The following SSH3 variants were observed in gnomAD, a reference collection of about 807,000 sequenced individuals.
SSH3 encodes the protein slingshot protein phosphatase 3.
Under a neutral mutation model 75.0 loss-of-function variants are expected in SSH3, and 67 were observed. The observed-to-expected ratio is 0.89, with a 90% CI of 0.73 to 1.10. SSH3 has a LOEUF of 1.10. Ranked by LOEUF, SSH3 falls within the 50% of genes least tolerant of loss-of-function variation. The pLI, the probability that SSH3 is intolerant of heterozygous loss-of-function variation, is 0.00. For missense variants in SSH3, 824 were observed against 872.7 expected (o/e 0.94, Z 0.70); for synonymous variants, 318 against 349.2 (o/e 0.91, Z 1.00).
Position 67,310,141 on chromosome 11 carries a change from A to G in SSH3, c.1485A>G (p.Thr495=), listed in dbSNP as rs138386191. Residue 495 remains threonine, a synonymous_variant, in exon 13 of 14, where the codon ACA becomes ACG. Transcript: ENST00000308127. ...PEEHPAPEVS[T]PFPPLPPEPE... is the part of the protein sequence containing the mutation. The stretch of plus-strand genomic sequence containing the variant: ...AGCACCCAGCCCCTGAAGTCTCTAC[A>G]CCATTCCCACCTCTTCCGCCAGAAC... 1 of 1,614,058 alleles carries G rather than the reference A, an allele frequency of 6.2e-7. No homozygotes were observed. Among genetic ancestry groups the G allele is most frequent in the African/African-American group, 1.3e-5 (1 of 74,948 alleles).
intron 10 of SSH3, chr11:67,309,081 A>G: frequency 2.9e-6 from 1 of 340,238 alleles, no homozygotes; most frequent in Non-Finnish European, 5.5e-6. Context: ...CCTGCCACCC[A>G]CTGCTGCAGA....
chr11:67,309,383 GC>G lies in SSH3; in HGVS notation c.1062-11del. 1 of 1,614,096 alleles carries G rather than the reference GC, an allele frequency of 6.2e-7. No homozygotes were observed. The highest frequency in any genetic ancestry group is 8.5e-7 in the Non-Finnish European group (1 of 1,180,018). ...TCTGCCCACATCAGCCTGGCCTTGGGCCCTCTGGGACAGGGTCACCCACATC... is the reference window on the plus strand; with the variant it reads ...TCTGCCCACATCAGCCTGGCCTTGGGCCTCTGGGACAGGGTCACCCACATC... On this transcript the variant is annotated splice_polypyrimidine_tract_variant and intron_variant, in intron 10 of 13. Transcript: ENST00000308127.
intron 10 of SSH3, 145 bp from the exon 11 acceptor site, chr11:67,309,252 G>A: frequency 1.0e-6 from 1 of 998,080 alleles, no homozygotes; most frequent in South Asian, 1.6e-5. Context: ...GTGACAGCTG[G>A]GTCACTTCTC....
rs765362560 is a variant in SSH3, at chr11:67,311,581, ACCTGT to A, written c.1684-7_1684-3del. 1 of 1,613,534 alleles carries A rather than the reference ACCTGT, an allele frequency of 6.2e-7. No homozygotes were observed. Among genetic ancestry groups the A allele is most frequent in the Non-Finnish European group, 8.5e-7 (1 of 1,179,884 alleles). On this transcript the variant is annotated splice_polypyrimidine_tract_variant and splice_region_variant and intron_variant, in intron 13 of 13. Coordinates refer to ENST00000308127, the MANE Select transcript of SSH3 (RefSeq NM_017857.4). The stretch of plus-strand genomic sequence containing the variant: ...CCTCCCATGGCTTCCGTATCCTCAC[ACCTGT>A]CCAGGTCTTCTCTTCCCACGAGTCT...
In SSH3 at chr11:67,307,431, C is replaced by G; in HGVS notation, c.597C>G (p.Thr199=). The change falls in exon 6 of 14, where the codon ACC becomes ACG. Residue 199 remains threonine (T), a synonymous_variant. Coordinates refer to ENST00000308127, the MANE Select transcript of SSH3 (RefSeq NM_017857.4). The surrounding 1 kb of genome is among the most constrained non-coding windows in gnomAD (Gnocchi z 4.2). The stretch of plus-strand genomic sequence containing the variant: ...TCTTCAAGCCCATCTCCATCCAGAC[C>G]ATGTGGTAAGGACAGAGACTGCCTG... ...SRIFKPISIQ[T]MWATLQVLHQ... 1 of 1,613,992 alleles carries G rather than the reference C, an allele frequency of 6.2e-7. No individual in the cohort carries two copies. The highest frequency in any genetic ancestry group is 8.5e-7 in the Non-Finnish European group (1 of 1,180,002).
Position 67,307,816 on chromosome 11 carries a change from G to GGCC in SSH3, c.792-29_792-27dup. 6.2e-7 allele frequency: 1 copy of GGCC among 1,613,978 alleles called. No individual in the cohort carries two copies. Among genetic ancestry groups the GGCC allele is most frequent in the Admixed American group, 1.7e-5 (1 of 60,032 alleles). ...GGGGGGCATGGTGGAGAGGGGAAAG[G>GGCC]GCCCCTTGACTGAGGGGCTCTGCTC... On this transcript the variant is annotated intron_variant, in intron 7 of 13. Transcript: ENST00000308127. The surrounding 1 kb of genome is among the most constrained non-coding windows in gnomAD (Gnocchi z 4.2).
Position 67,311,741 on chromosome 11 carries a change from G to A in SSH3, c.1834G>A (p.Val612Met), listed in dbSNP as rs762218834. Residue 612 changes from valine to methionine, a missense_variant, in exon 14 of 14, where the codon GTG becomes ATG. Transcript: ENST00000308127. The stretch of plus-strand genomic sequence containing the variant: ...GGTTACCCTCCAGGGCAGTGCCGTG[G>A]TGGCCAACCGGACCCAGGCCTTCCA... ...SVVTLQGSAV[V>M]ANRTQAFQEQ... The A allele has an allele frequency of 1.2e-5, 20 of 1,613,904 alleles. No individual in the cohort carries two copies. Among genetic ancestry groups the A allele is most frequent in the Non-Finnish European group, 1.7e-5 (20 of 1,180,006 alleles).
At position 67,309,444 on chromosome 11, in the gene SSH3, C is replaced by T; in HGVS notation, c.1109C>T (p.Pro370Leu). 2 of 1,614,206 alleles carry T rather than the reference C, an allele frequency of 1.2e-6. No individual in the cohort carries two copies. The highest frequency in any genetic ancestry group is 1.7e-6 in the Non-Finnish European group (2 of 1,180,044). ...NMAREIDNFYPERFTYHNVRL... is the reference protein window; with the variant it reads ...NMAREIDNFYLERFTYHNVRL... ...GCCCGGGAGATTGACAACTTCTACC[C>T]TGAGCGCTTCACCTACCACAATGTG... The change falls in exon 11 of 14, where the codon CCT (proline) becomes CTT (leucine). Residue 370 changes from proline (P) to leucine (L), a missense_variant. By Grantham distance (98) the Pro-to-Leu change is moderately conservative (BLOSUM62 -3). Transcript: ENST00000308127.
At chr11:67,309,078 C>A (rs1861337348) in intron 10 of SSH3, among the ~76,000 whole-genome samples, 1 of 152,226 alleles carries the variant, frequency 6.6e-6, no homozygotes, top group Non-Finnish European at 1.5e-5. Flanking sequence ...GCCCCTGCCA[C>A]CCACTGCTGC....
rs1429437895 is a variant in SSH3 at position 67,312,034 on chromosome 11, GGCCTCACCTCCCACCCCTGTCACTACA to G, written c.*159_*185del. The G allele has an allele frequency of 7.0e-4, 737 of 1,051,770 alleles. 2 individuals are homozygous for G. Among genetic ancestry groups the G allele is most frequent in the Admixed American group, 1.2e-3 (26 of 21,780 alleles). 65.2% of individuals were successfully genotyped at this position (1,051,770 alleles called of 1,614,324 possible). A position where few individuals can be genotyped will look rare whatever the true frequency, so the allele number is the denominator to read the frequency against. ...CCTCACCTCCCACCCCTGTCACTAC[GGCCTCACCTCCCACCCCTGTCACTACA>G]GCCTCACCTCCTACAGCCTTAAGTC... is the stretch of plus-strand genomic sequence containing the variant. On this transcript the variant is annotated 3_prime_UTR_variant, in exon 14 of 14. Coordinates refer to ENST00000308127, the MANE Select transcript of SSH3 (RefSeq NM_017857.4).
chr11:67,305,089 TTGGGGAGCAA>T, intron 3 of SSH3, 82 bp downstream of exon 3: 3 of 1,389,650 alleles, frequency 2.2e-6, no homozygotes, highest in Non-Finnish European at 3.0e-6. Flanking sequence ...ATGTGTCTGC[TTGGGGAGCAA>T]TGGTGTGAGG....
chr11:67,303,552 G>A lies in SSH3; in HGVS notation c.-74G>A. On this transcript the variant is annotated 5_prime_UTR_variant, in exon 1 of 14. Coordinates refer to ENST00000308127, the MANE Select transcript of SSH3 (RefSeq NM_017857.4). ...GCCGTCCGTCCTTCCTGGTCCTGCG[G>A]GTCCAGGACTGTCCGCGGGGTTGAG... 4 of 1,437,204 alleles carry A rather than the reference G, an allele frequency of 2.8e-6. No individual in the cohort carries two copies. The highest frequency in any genetic ancestry group is 3.7e-6 in the Non-Finnish European group (4 of 1,075,610). 89.0% of individuals were successfully genotyped at this position (1,437,204 alleles called of 1,614,324 possible). A position where few individuals can be genotyped will look rare whatever the true frequency, so the allele number is the denominator to read the frequency against.
rs1861131537 is a variant in SSH3, at chr11:67,303,696, G to GT, written c.66+6dup. 6.7e-7 allele frequency: 1 copy of GT among 1,492,758 alleles called. No individual in the cohort carries two copies. The highest frequency in any genetic ancestry group is 2.8e-5 in the East Asian group (1 of 35,710). The allele number at this position is 1,492,758 out of a possible 1,614,324, so 92.5% of individuals were successfully genotyped here. ...TCCACGCCCGTGGGGCCCTGGGTGA[G>GT]TGTGGTCCGGCCGTGGTGCCGCCCA... is the stretch of plus-strand genomic sequence containing the variant. On this transcript the variant is annotated splice_donor_region_variant and intron_variant, in intron 1 of 13. Transcript: ENST00000308127.
In SSH3 at chr11:67,309,975, G is replaced by A; in HGVS notation, c.1409+7G>A. On this transcript the variant is annotated splice_region_variant and intron_variant, in intron 12 of 13. Coordinates refer to ENST00000308127, the MANE Select transcript of SSH3 (RefSeq NM_017857.4). ...AGGGCATCCTGACGGCCAGGTATGG[G>A]ATGGGAGCGAGTGGCAGGGGGTGAG... 6.2e-7 allele frequency: 1 copy of A among 1,610,390 alleles called. No homozygotes were observed. Among genetic ancestry groups the A allele is most frequent in the Non-Finnish European group, 8.5e-7 (1 of 1,179,924 alleles).
Position 67,308,445 on chromosome 11 carries a change from C to G in SSH3, c.1048C>G (p.Leu350Val). Residue 350 changes from leucine (L) to valine (V), a missense_variant, in exon 10 of 14, where the codon CTG (leucine) becomes GTG (valine). By Grantham distance (32) the Leu-to-Val change is conservative. Coordinates refer to ENST00000308127, the MANE Select transcript of SSH3 (RefSeq NM_017857.4). The surrounding 1 kb of genome is among the most constrained non-coding windows in gnomAD (Gnocchi z 4.9). The part of the protein sequence containing the change: ...SEWNAANLEE[L>V]QRNRVTHILN... ...GTGGAACGCAGCAAACCTGGAGGAG[C>G]TGCAGAGGAACAGGTAGGGCTATGA... The G allele has an allele frequency of 6.3e-7, 1 of 1,599,756 alleles. No individual in the cohort carries two copies. The highest frequency in any genetic ancestry group is 1.1e-5 in the South Asian group (1 of 89,458).
Position 67,311,866 on chromosome 11 carries a change from T to G in SSH3, c.1959T>G (p.Ser653Arg). 3.1e-6 allele frequency: 5 copies of G among 1,611,816 alleles called. No individual in the cohort carries two copies. The highest frequency in any genetic ancestry group is 4.2e-6 in the Non-Finnish European group (5 of 1,179,810). The change falls in exon 14 of 14, where the codon AGT becomes AGG. Residue 653 changes from serine (S) to arginine (R), a missense_variant. Coordinates refer to ENST00000308127, the MANE Select transcript of SSH3 (RefSeq NM_017857.4). ...KVVRQASVHDSGEEGEA is the reference protein window; with the variant it reads ...KVVRQASVHDRGEEGEA ...TGAGACAGGCCAGCGTGCATGACAG[T>G]GGAGAGGAGGGCGAGGCCTGAGCCC...
rs1422206595 is a variant in SSH3 at position 67,307,790 on chromosome 11, TG to T, written c.792-50del. 1 of 1,612,882 alleles carries T rather than the reference TG, an allele frequency of 6.2e-7. No individual in the cohort carries two copies. Among genetic ancestry groups the T allele is most frequent in the Non-Finnish European group, 8.5e-7 (1 of 1,179,706 alleles). On this transcript the variant is annotated intron_variant, in intron 7 of 13. Coordinates refer to ENST00000308127, the MANE Select transcript of SSH3 (RefSeq NM_017857.4). This position sits in a 1 kb window ranked among gnomAD's most constrained non-coding sequence, Gnocchi z 4.2. Reference sequence around the variant, plus strand: ...TGGAGGGGAAGGCAGGATAATGCAGTGGGGGGCATGGTGGAGAGGGGAAAGG... The same window carrying T: ...TGGAGGGGAAGGCAGGATAATGCAGTGGGGGCATGGTGGAGAGGGGAAAGG...
Position 67,303,675 on chromosome 11 carries a change from C to T in SSH3, c.50C>T (p.Thr17Met), listed in dbSNP as rs1022189462. 2.9e-5 allele frequency: 44 copies of T among 1,511,246 alleles called. No homozygotes were observed. Among genetic ancestry groups the T allele is most frequent in the Non-Finnish European group, 3.8e-5 (43 of 1,136,482 alleles). The allele number at this position is 1,511,246 out of a possible 1,614,324, so 93.6% of individuals were successfully genotyped here. Residue 17 changes from threonine (T) to methionine (M), a missense_variant, in exon 1 of 14, where the codon ACG (threonine) becomes ATG (methionine). Physicochemically the swap from Thr to Met is moderately conservative, Grantham distance 81. Coordinates refer to ENST00000308127, the MANE Select transcript of SSH3 (RefSeq NM_017857.4). ...SRSPPGSGAS[T>M]PVGPWDQAVQ... The stretch of plus-strand genomic sequence containing the variant: ...TCGCCCCCGGGCAGCGGCGCCTCCA[C>T]GCCCGTGGGGCCCTGGGTGAGTGTG...
rs777408862 is a variant in SSH3, at chr11:67,307,765, T to C, written c.791+28T>C. 7 of 1,611,950 alleles carry C rather than the reference T, an allele frequency of 4.3e-6. No homozygotes were observed. The South Asian group carries it at 4.4e-5, about 10-fold the overall frequency. ...CAGTGTGTGGAGGGGAGGGACTGGG[T>C]GGAGGGGAAGGCAGGATAATGCAGT... On this transcript the variant is annotated intron_variant, in intron 7 of 13. Coordinates refer to ENST00000308127, the MANE Select transcript of SSH3 (RefSeq NM_017857.4). This position sits in a 1 kb window ranked among gnomAD's most constrained non-coding sequence, Gnocchi z 4.2.
Sources: gnomAD v4.1 joint callset for allele counts (sites outside exome capture counted in the v4.1 genomes callset) on GRCh38, gnomAD v4.1.1 for gene constraint, Gnocchi (gnomAD v3.1) non-coding constraint, MANE v1.5 for transcripts, NCBI Gene and HGNC (gene_info 2026-07-23, HGNC 2026-07-21) for gene names.